The following SEC23A variants were observed in gnomAD, a reference collection of about 807,000 sequenced individuals.
SEC23A encodes the protein protein transport protein Sec23A.
Under a neutral mutation model 103.7 loss-of-function variants are expected in SEC23A, and 56 were observed. That is an observed-to-expected ratio of 0.54 (90% CI 0.44 to 0.67). SEC23A has a LOEUF of 0.67. SEC23A is among the 30% of genes least tolerant of loss of function. The pLI is 0.00. For synonymous variants in SEC23A, 281 were observed against 293.0 expected, an observed-to-expected ratio of 0.96 and a Z score of 0.42; for missense variants, 784 against 936.4, an observed-to-expected ratio of 0.84 and a Z score of 2.12.
chr14:39,074,874 G>A (rs1886961728), intron 8 of SEC23A, among the ~76,000 whole-genome samples: 1 of 152,190 alleles, frequency 6.6e-6, no homozygotes, highest in Non-Finnish European at 1.5e-5. Flanking sequence ...TTGGGAGGCC[G>A]AGGCAGGCAG....
intron 7 of SEC23A, among the ~76,000 whole-genome samples, chr14:39,082,896 G>A (rs886916126): frequency 6.6e-6 from 1 of 152,174 alleles, no homozygotes; most frequent in African/African-American, 2.4e-5. Context: ...GAAAGATTGA[G>A]GAACTGTTCC....
chr14:39,081,760 ATTT>A (rs571576985), intron 7 of SEC23A, among the ~76,000 whole-genome samples: 213 of 152,056 alleles, frequency 1.4e-3, no homozygotes, highest in Non-Finnish European at 1.6e-3. Context: ...TTAATATAAA[ATTT>A]TTTTTATTTT....
chr14:39,098,750 G>C (rs1887980138), intron 1 of SEC23A, among the ~76,000 whole-genome samples: 1 of 151,274 alleles, frequency 6.6e-6, no homozygotes, highest in African/African-American at 2.4e-5. Flanking sequence ...CTCTAGCCTG[G>C]GCGACAGAGT....
chr14:39,043,845 T>G (rs1885736160), intron 16 of SEC23A, among the ~76,000 whole-genome samples: 1 of 152,198 alleles, frequency 6.6e-6, no homozygotes. Context: ...AGGACATTGG[T>G]GGTCTTTATA....
At position 39,039,318 on chromosome 14, in the gene SEC23A, A is replaced by G. The variant is rs1348652196; in HGVS notation, c.2143-222T>C. The stretch of plus-strand genomic sequence containing the variant: ...TCTCTCCAAATCATACATCCAAAAT[A>G]ACAAATACATTGTTGAGTCCAAAAC... On this transcript the variant is annotated intron_variant, in intron 18 of 19. Coordinates refer to ENST00000307712, the MANE Select transcript of SEC23A (RefSeq NM_006364.4). The G allele has an allele frequency of 2.0e-5, 10 of 498,484 alleles. No homozygotes were observed. In the East Asian group the frequency reaches 3.2e-4, roughly 16 times the overall value. The allele number at this position is 498,484 out of a possible 1,614,324, so 30.9% of individuals were successfully genotyped here.
intron 2 of SEC23A, among the ~76,000 whole-genome samples, chr14:39,094,307 T>C (rs56034205): frequency 0.26 from 20,898 of 81,614 alleles, 5,287 homozygotes; most frequent in Non-Finnish European, 0.33. Context: ...TATACACATA[T>C]ACATATATAT....
rs566075840 is a variant in SEC23A, at chr14:39,077,403, C to T, written c.829-1310G>A. On this transcript the variant is annotated intron_variant, in intron 7 of 19. Transcript: ENST00000307712. ...CTAAAAATACAAAAAATTAGCCGGG[C>T]ATGGTGGCGGGCGCCTGTAATTCCA... Among the ~76,000 whole-genome samples, 3 of 151,662 alleles carry T rather than the reference C, an allele frequency of 2.0e-5. No individual in the cohort carries two copies. The South Asian group carries it at 6.3e-4, about 32-fold the overall frequency.
At chr14:39,101,849 C>G (rs1444351937) in intron 1 of SEC23A, among the ~76,000 whole-genome samples, 2 of 152,160 alleles carry the variant, frequency 1.3e-5, no homozygotes, top group African/African-American at 4.8e-5. Flanking sequence ...CTCTCTGAAT[C>G]CTGTTTTTCT....
At chr14:39,036,423 A>C (rs1885465038) in intron 19 of SEC23A, among the ~76,000 whole-genome samples, 1 of 150,924 alleles carries the variant, frequency 6.6e-6, no homozygotes, top group South Asian at 2.1e-4. Flanking sequence ...GCGTTTTATT[A>C]ATCTTCAGTT....
rs755189815 is a variant in SEC23A, at chr14:39,096,018, A to G, written c.101T>C (p.Met34Thr). Reference sequence around the variant, plus strand: ...AAACAGGGCTGCCACAGGAACAACCATTCTTGTAGCTTCCAGTCGACTTGA... The same window carrying G: ...AAACAGGGCTGCCACAGGAACAACCGTTCTTGTAGCTTCCAGTCGACTTGA... ...WPSSRLEATR[M>T]VVPVAALFTP... The change falls in exon 2 of 20, where the codon ATG becomes ACG. Residue 34 changes from methionine (M) to threonine (T), a missense_variant. Met to Thr is a moderately conservative substitution (Grantham distance 81). Around this residue, in one of 2 missense-constraint regions of SEC23A, gnomAD observed 683 missense variants for 774.2 expected, o/e 0.88. Coordinates refer to ENST00000307712, the MANE Select transcript of SEC23A (RefSeq NM_006364.4). 1 of 1,613,984 alleles carries G rather than the reference A, an allele frequency of 6.2e-7. No homozygotes were observed.
rs923069724 is a variant in SEC23A, at chr14:39,103,205, C to G, written c.-195G>C. ...CCGGGCCTCAGCGAAGACCTCCGCC[C>G]GGCCAACATGGCTGGCGCCGCCTCT... On this transcript the variant is annotated 5_prime_UTR_variant, in exon 1 of 20. Coordinates refer to ENST00000307712, the MANE Select transcript of SEC23A (RefSeq NM_006364.4). The G allele has an allele frequency of 6.6e-6, 1 of 152,446 alleles. No individual in the cohort carries two copies. Among genetic ancestry groups the G allele is most frequent in the East Asian group, 1.9e-4 (1 of 5,196 alleles). 9.4% of individuals were successfully genotyped at this position (152,446 alleles called of 1,614,324 possible).
At chr14:39,083,467 G>A (rs1040174805) in intron 7 of SEC23A, among the ~76,000 whole-genome samples, 47 of 151,076 alleles carry the variant, frequency 3.1e-4, no homozygotes, top group African/African-American at 1.0e-3. Context: ...CATGTCTCCC[G>A]AAAATTTATA....
At chr14:39,071,168 G>C (rs551240592) in intron 9 of SEC23A, among the ~76,000 whole-genome samples, 1 of 152,292 alleles carries the variant, frequency 6.6e-6, no homozygotes, top group East Asian at 1.9e-4. Flanking sequence ...CATGCAGGTG[G>C]GAAGGAAGAA....
chr14:39,074,408 T>G lies in SEC23A; in HGVS notation c.1103+7A>C, dbSNP rs372641646. On this transcript the variant is annotated splice_region_variant and intron_variant, in intron 9 of 19. Transcript: ENST00000307712. ...ATTACAAAAACTGTAAAAATTTAAA[T>G]ACATACCCAGTAAGGTTGGGACAGC... 47 of 1,543,428 alleles carry G rather than the reference T, an allele frequency of 3.0e-5. No homozygotes were observed. Among genetic ancestry groups the G allele is most frequent in the Non-Finnish European group, 4.1e-5 (46 of 1,116,108 alleles).
At chr14:39,042,471 C>T (rs1385311356) in intron 17 of SEC23A, among the ~76,000 whole-genome samples, 14 of 152,310 alleles carry the variant, frequency 9.2e-5, no homozygotes, top group African/African-American at 2.4e-4. Context: ...CAAAGGCTGA[C>T]TTTTCCCCCC....
chr14:39,044,993 A>G (rs1566482638), intron 16 of SEC23A, among the ~76,000 whole-genome samples, 170 bp downstream of exon 16: 1 of 152,386 alleles, frequency 6.6e-6, no homozygotes, highest in East Asian at 1.9e-4. Flanking sequence ...TCTAGCATAT[A>G]GTAAACATTC....
At chr14:39,099,153 G>C (rs1016081724) in intron 1 of SEC23A, among the ~76,000 whole-genome samples, 2 of 134,088 alleles carry the variant, frequency 1.5e-5, no homozygotes, top group African/African-American at 5.3e-5. Context: ...ATTGTTTTTG[G>C]GTTTTTTTTT....
Position 39,074,418 on chromosome 14 carries a change from G to A in SEC23A, c.1100C>T (p.Thr367Ile), listed in dbSNP as rs1886940960. 6.3e-7 allele frequency: 1 copy of A among 1,589,108 alleles called. No homozygotes were observed. Among genetic ancestry groups the A allele is most frequent in the Non-Finnish European group, 8.6e-7 (1 of 1,157,748 alleles). Reference sequence around the variant, plus strand: ...CTGTAAAAATTTAAATACATACCCAGTAAGGTTGGGACAGCATTTCATCTC... The same window carrying A: ...CTGTAAAAATTTAAATACATACCCAATAAGGTTGGGACAGCATTTCATCTC... Reference protein sequence around the residue: ...LLEMKCCPNLTGGYMVMGDSF... With the variant: ...LLEMKCCPNLIGGYMVMGDSF... Residue 367 changes from threonine (T) to isoleucine (I), a missense_variant, in exon 9 of 20, where the codon ACT (threonine) becomes ATT (isoleucine). Thr to Ile is a moderately conservative substitution (Grantham distance 89). This residue lies in a region of SEC23A where 683 missense variants were observed against 774.2 expected (regional missense o/e 0.88). Coordinates refer to ENST00000307712, the MANE Select transcript of SEC23A (RefSeq NM_006364.4).
At chr14:39,098,178 T>G (rs1887957011) in intron 1 of SEC23A, among the ~76,000 whole-genome samples, 1 of 152,002 alleles carries the variant, frequency 6.6e-6, no homozygotes, top group Admixed American at 6.6e-5. Flanking sequence ...TGTTGAAAGA[T>G]AATGATAAAA....
Sources: gnomAD v4.1 joint callset for allele counts (sites outside exome capture counted in the v4.1 genomes callset) on GRCh38, gnomAD v4.1.1 for gene constraint, gnomAD v4.1.1 regional missense constraint, MANE v1.5 for transcripts, NCBI Gene and HGNC (gene_info 2026-07-23, HGNC 2026-07-21) for gene names.